Variants in SGSM3 observed in about 807,000 individuals in gnomAD.
SGSM3 encodes the protein RUN and SH3 containing 3.
In SGSM3, 96 loss-of-function variants were observed where a neutral mutation model predicts 100.5. The ratio of observed to expected loss-of-function variants is 0.96; its 90% CI spans 0.81 to 1.13. SGSM3 has a LOEUF of 1.13. Among genes scored for constraint, SGSM3 ranks in the 50% most tolerant of loss-of-function variants. The probability of loss-of-function intolerance (pLI) is 0.00; values close to 1 mark genes in which losing one functional copy is unlikely to be tolerated. For missense variants in SGSM3, 1,001 were observed against 1,015.8 expected, an observed-to-expected ratio of 0.99 and a Z score of 0.20; for synonymous variants, 483 against 422.8, an observed-to-expected ratio of 1.14 and a Z score of -1.75.
At chr22:40,404,908 T>C (rs537317599) in intron 6 of SGSM3, among the ~76,000 whole-genome samples, 41 of 152,292 alleles carry the variant, frequency 2.7e-4, no homozygotes, top group African/African-American at 9.6e-4. Flanking sequence ...ACTCTAAATA[T>C]AGACTCCAGG....
At chr22:40,397,357 A>C (rs2050174474) in intron 1 of SGSM3, among the ~76,000 whole-genome samples, 1 of 152,192 alleles carries the variant, frequency 6.6e-6, no homozygotes, top group African/African-American at 2.4e-5. Flanking sequence ...ACTTAAGCTC[A>C]GGAATTCAAG....
intron 16 of SGSM3, 22 bp from the exon 17 acceptor site, chr22:40,408,605 A>T: frequency 5.0e-6 from 8 of 1,613,244 alleles, no homozygotes; most frequent in Non-Finnish European, 5.9e-6. Flanking sequence ...CCCTGCACTC[A>T]CACCGTGTGC....
At position 40,407,720 on chromosome 22, in the gene SGSM3, A is replaced by G. The variant is rs182312797; in HGVS notation, c.1525-69A>G. On this transcript the variant is annotated intron_variant, in intron 13 of 21. Coordinates refer to ENST00000248929, the MANE Select transcript of SGSM3 (RefSeq NM_015705.6). The surrounding 1 kb of genome is among the most constrained non-coding windows in gnomAD (Gnocchi z 4.7). ...CCTGGCCTAGTTGCTGAGGAGTCAT[A>G]TCGGGGGTGCAGGAGGCGCTGGCCC... 1.4e-3 allele frequency: 2,287 copies of G among 1,592,002 alleles called. 13 individuals carry two copies. The highest frequency in any genetic ancestry group is 8.3e-4 in the Non-Finnish European group (967 of 1,160,248).
intron 1 of SGSM3, among the ~76,000 whole-genome samples, chr22:40,393,047 TTGTC>T (rs1473269822): frequency 4.6e-5 from 7 of 152,364 alleles, no homozygotes; most frequent in Admixed American, 3.3e-4. Context: ...ATATAGTTCA[TTGTC>T]TGCGTAAGCT....
In SGSM3 at chr22:40,404,340, C is replaced by T. The variant is rs944089541; in HGVS notation, c.251C>T (p.Thr84Ile). Reference sequence around the variant, plus strand: ...CGGTGGCAGGCCCACCTGGAGTTCACCCATAACCACGATGTGGGGGATCTC... The same window carrying T: ...CGGTGGCAGGCCCACCTGGAGTTCATCCATAACCACGATGTGGGGGATCTC... ...RLRWQAHLEF[T>I]HNHDVGDLTW... is the part of the protein sequence containing the mutation. Residue 84 changes from threonine (T) to isoleucine (I), a missense_variant, in exon 5 of 22, where the codon ACC (threonine) becomes ATC (isoleucine). By Grantham distance (89) the Thr-to-Ile change is moderately conservative. Coordinates refer to ENST00000248929, the MANE Select transcript of SGSM3 (RefSeq NM_015705.6). 2 of 1,599,200 alleles carry T rather than the reference C, an allele frequency of 1.3e-6. No homozygotes were observed. The highest frequency in any genetic ancestry group is 2.2e-5 in the East Asian group (1 of 44,798).
chr22:40,405,584 G>A (rs1471457573), intron 7 of SGSM3, 65 bp from the exon 8 acceptor site: 60 of 1,468,504 alleles, frequency 4.1e-5, no homozygotes, highest in Non-Finnish European at 5.5e-5. Flanking sequence ...CCCTAGGGTA[G>A]GGGCACCTTT....
chr22:40,405,453 C>T (rs992727728), intron 7 of SGSM3, among the ~76,000 whole-genome samples, 169 bp downstream of exon 7: 3 of 152,128 alleles, frequency 2.0e-5, no homozygotes, highest in African/African-American at 4.8e-5. Context: ...GGCAGCTGCA[C>T]GTTATGCAAG....
chr22:40,374,621 G>A (rs114099302), intron 1 of SGSM3, among the ~76,000 whole-genome samples: 2,245 of 152,264 alleles, frequency 0.015, 40 homozygotes, highest in African/African-American at 0.048. Context: ...GGCGGCTCAC[G>A]CCTGTAATCC....
chr22:40,407,757 C>CTTTG lies in SGSM3; in HGVS notation c.1525-31_1525-28dup. On this transcript the variant is annotated intron_variant, in intron 13 of 21. Coordinates refer to ENST00000248929, the MANE Select transcript of SGSM3 (RefSeq NM_015705.6). The surrounding 1 kb of genome is among the most constrained non-coding windows in gnomAD (Gnocchi z 4.7). ...GGAGGCGCTGGCCCAGGGCACCCAG[C>CTTTG]TTTGGTTCCTGCTGTTTTTCCTCCT... 3.7e-6 allele frequency: 6 copies of CTTTG among 1,613,564 alleles called. No homozygotes were observed. Among genetic ancestry groups the CTTTG allele is most frequent in the Non-Finnish European group, 5.1e-6 (6 of 1,179,564 alleles).
chr22:40,399,447 C>T (rs2050450556), intron 1 of SGSM3, among the ~76,000 whole-genome samples: 1 of 152,192 alleles, frequency 6.6e-6, no homozygotes, highest in Non-Finnish European at 1.5e-5. Flanking sequence ...GGCCATCTAG[C>T]TGGTGGCCAT....
chr22:40,397,140 A>G, intron 1 of SGSM3, among the ~76,000 whole-genome samples: 1 of 152,144 alleles, frequency 6.6e-6, no homozygotes. Context: ...AAACCTGCCC[A>G]CCCAGCTTAA....
chr22:40,385,072 G>A (rs1166595747), intron 1 of SGSM3, among the ~76,000 whole-genome samples: 1 of 152,228 alleles, frequency 6.6e-6, no homozygotes, highest in African/African-American at 2.4e-5. Flanking sequence ...AATATGGTCT[G>A]TGCCCTCAGA....
intron 1 of SGSM3, among the ~76,000 whole-genome samples, chr22:40,380,553 G>A (rs969938920): frequency 6.6e-6 from 1 of 152,064 alleles, no homozygotes; most frequent in East Asian, 1.9e-4. Flanking sequence ...TTCTAATAGA[G>A]ATGGGTTTTC....
rs369811946 is a variant in SGSM3 at position 40,407,851 on chromosome 22, C to T, written c.1579+8C>T. Reference sequence around the variant, plus strand: ...AGCTCAACGGCCTGCGAGGTGGGGTCCTTGGTCTGCTCTTGAGCTGGGAGA... The same window carrying T: ...AGCTCAACGGCCTGCGAGGTGGGGTTCTTGGTCTGCTCTTGAGCTGGGAGA... On this transcript the variant is annotated splice_region_variant and intron_variant, in intron 14 of 21. Coordinates refer to ENST00000248929, the MANE Select transcript of SGSM3 (RefSeq NM_015705.6). This position sits in a 1 kb window ranked among gnomAD's most constrained non-coding sequence, Gnocchi z 4.7. 6.2e-7 allele frequency: 1 copy of T among 1,609,204 alleles called. No individual in the cohort carries two copies. The highest frequency in any genetic ancestry group is 8.5e-7 in the Non-Finnish European group (1 of 1,177,602).
chr22:40,404,266 C>T lies in SGSM3; in HGVS notation c.177C>T (p.Ser59=). ...VYKEEGDEPG[S]SLLANSPLME... is the part of the protein sequence containing the mutation. The stretch of plus-strand genomic sequence containing the variant: ...TGGCAGAAGGTGATGAGCCTGGCTC[C>T]AGTCTGCTGGCGAACTCCCCTCTGA... Residue 59 remains serine (S), a synonymous_variant, in exon 5 of 22, where the codon TCC becomes TCT. Transcript: ENST00000248929. The T allele has an allele frequency of 6.6e-7, 1 of 1,518,630 alleles. No homozygotes were observed. Among genetic ancestry groups the T allele is most frequent in the Non-Finnish European group, 8.8e-7 (1 of 1,132,860 alleles). The allele number at this position is 1,518,630 out of a possible 1,614,324, so 94.1% of individuals were successfully genotyped here.
rs766435322 is a variant in SGSM3 at position 40,405,220 on chromosome 22, G to A, written c.554G>A (p.Arg185His). ...GGTAGCATCGGGGTGCCCCGCCTGC[G>A]CAGGGTGCTCCGGGCCCTGGCCTGG... Reference protein sequence around the residue: ...SMGSIGVPRLRRVLRALAWLY... With the variant: ...SMGSIGVPRLHRVLRALAWLY... The change falls in exon 7 of 22, where the codon CGC becomes CAC. Residue 185 changes from arginine (R) to histidine (H), a missense_variant. By Grantham distance (29) the Arg-to-His change is conservative. Transcript: ENST00000248929. The A allele has an allele frequency of 1.6e-5, 26 of 1,583,322 alleles. No homozygotes were observed. The highest frequency in any genetic ancestry group is 2.7e-5 in the African/African-American group (2 of 73,640).
intron 4 of SGSM3, among the ~76,000 whole-genome samples, chr22:40,402,719 A>G (rs929901073): frequency 6.6e-6 from 1 of 152,246 alleles, no homozygotes; most frequent in Non-Finnish European, 1.5e-5. Flanking sequence ...AGCCTAGGCA[A>G]CAAGAGCAAA....
At position 40,410,069 on chromosome 22, in the gene SGSM3, C is replaced by T. The variant is rs1275913393; in HGVS notation, c.*310C>T. ...TGGGGGTGGCTAGTAGGCTCCTGGC[C>T]TCTTTGGTTTATAAATAAACTGTGT... On this transcript the variant is annotated 3_prime_UTR_variant, in exon 22 of 22. Coordinates refer to ENST00000248929, the MANE Select transcript of SGSM3 (RefSeq NM_015705.6). 7.9e-7 allele frequency: 1 copy of T among 1,258,306 alleles called. No individual in the cohort carries two copies. The highest frequency in any genetic ancestry group is 1.0e-6 in the Non-Finnish European group (1 of 1,001,256). 77.9% of individuals were successfully genotyped at this position (1,258,306 alleles called of 1,614,324 possible). A position where few individuals can be genotyped will look rare whatever the true frequency, so the allele number is the denominator to read the frequency against.
chr22:40,386,824 C>T (rs368903335), intron 1 of SGSM3, among the ~76,000 whole-genome samples: 2 of 152,182 alleles, frequency 1.3e-5, no homozygotes, highest in East Asian at 1.9e-4. Context: ...CACCCCAGTA[C>T]TAAAGAAGTT....
Sources: gnomAD v4.1 joint callset for allele counts (sites outside exome capture counted in the v4.1 genomes callset) on GRCh38, gnomAD v4.1.1 for gene constraint, Gnocchi (gnomAD v3.1) non-coding constraint, MANE v1.5 for transcripts, NCBI Gene and HGNC (gene_info 2026-07-23, HGNC 2026-07-21) for gene names.